GPR158: variants seen among roughly 807,000 people sequenced by gnomAD.
GPR158 encodes metabotropic glycine receptor.
Under a neutral mutation model 78.2 loss-of-function variants are expected in GPR158, and 30 were observed. The observed-to-expected ratio is 0.38, with a 90% CI of 0.29 to 0.52. The LOEUF (loss-of-function observed/expected upper bound fraction) is 0.52. GPR158 is among the 20% of genes least tolerant of loss of function. The pLI is 0.83. For missense variants in GPR158, 1,463 were observed against 1,523.5 expected (o/e 0.96, Z 0.66); for synonymous variants, 581 against 591.1 (o/e 0.98, Z 0.25).
At chr10:25,413,920 A>T (rs1834626794) in intron 4 of GPR158, among the ~76,000 whole-genome samples, 1 of 152,206 alleles carries the variant, frequency 6.6e-6, no homozygotes, top group Non-Finnish European at 1.5e-5. Context: ...TGTGTGTTAT[A>T]TAATAAAAAT....
chr10:25,598,251 G>C lies in GPR158; in HGVS notation c.2625G>C (p.Leu875Phe), dbSNP rs1468127218. 4 of 1,614,060 alleles carry C rather than the reference G, an allele frequency of 2.5e-6. No homozygotes were observed. The South Asian group carries it at 3.3e-5, about 13-fold the overall frequency. ...SEAESTESVPLVCKSASAHNL... is the reference protein window; with the variant it reads ...SEAESTESVPFVCKSASAHNL... The stretch of plus-strand genomic sequence containing the variant: ...CTGAGTCCACGGAGTCGGTGCCGTT[G>C]GTGTGCAAGTCAGCAAGCGCTCACA... The change falls in exon 11 of 11, where the codon TTG becomes TTC. Residue 875 changes from leucine (L) to phenylalanine (F), a missense_variant. Coordinates refer to ENST00000376351, the MANE Select transcript of GPR158 (RefSeq NM_020752.3).
At chr10:25,457,303 C>T (rs1028670774) in intron 4 of GPR158, among the ~76,000 whole-genome samples, 1 of 151,870 alleles carries the variant, frequency 6.6e-6, no homozygotes, top group Non-Finnish European at 1.5e-5. Context: ...CTGTTAATAG[C>T]TTTTAATGAG....
At chr10:25,292,967 G>C (rs780870196) in intron 2 of GPR158, among the ~76,000 whole-genome samples, 1 of 152,106 alleles carries the variant, frequency 6.6e-6, no homozygotes, top group Non-Finnish European at 1.5e-5. Flanking sequence ...ACAGGGAGTT[G>C]GATGTGATTT....
intron 2 of GPR158, among the ~76,000 whole-genome samples, chr10:25,293,978 C>A (rs981255984): frequency 6.6e-6 from 1 of 152,110 alleles, no homozygotes; most frequent in Non-Finnish European, 1.5e-5. Flanking sequence ...AACTCCTGAC[C>A]TCGTGATTCA....
At chr10:25,271,069 C>T (rs1202534247) in intron 2 of GPR158, among the ~76,000 whole-genome samples, 5 of 152,156 alleles carry the variant, frequency 3.3e-5, no homozygotes, top group East Asian at 1.9e-4. Flanking sequence ...TCCAGTGTTC[C>T]GAGCTGCCTC....
At chr10:25,449,928 C>T (rs771229608) in intron 4 of GPR158, among the ~76,000 whole-genome samples, 13 of 151,128 alleles carry the variant, frequency 8.6e-5, no homozygotes, top group South Asian at 2.1e-4. Flanking sequence ...TATAAAATAA[C>T]GGTAAAATGT....
At chr10:25,550,303 A>G (rs988724801) in intron 5 of GPR158, among the ~76,000 whole-genome samples, 1 of 152,068 alleles carries the variant, frequency 6.6e-6, no homozygotes, top group African/African-American at 2.4e-5. Context: ...GCTCAGGGTA[A>G]ATGCTTAATA....
chr10:25,500,818 A>G (rs1835939452), intron 5 of GPR158, among the ~76,000 whole-genome samples: 2 of 152,210 alleles, frequency 1.3e-5, no homozygotes, highest in Admixed American at 1.3e-4. Context: ...TATAAATTAA[A>G]CTGCTGCAAG....
At chr10:25,380,507 T>C (rs1484648335) in intron 2 of GPR158, among the ~76,000 whole-genome samples, 1 of 152,198 alleles carries the variant, frequency 6.6e-6, no homozygotes, top group Non-Finnish European at 1.5e-5. Flanking sequence ...CAATTAGTAA[T>C]GTATTACATT....
rs573823799 is a variant in GPR158, at chr10:25,458,030, A to G, written c.1336-8621A>G. Reference sequence around the variant, plus strand: ...AATGACTTGTTATTTCTAATTTCACATGTATATAAAATCATTAATTTTTTA... The same window carrying G: ...AATGACTTGTTATTTCTAATTTCACGTGTATATAAAATCATTAATTTTTTA... On this transcript the variant is annotated intron_variant, in intron 4 of 10. Transcript: ENST00000376351. Among the ~76,000 whole-genome samples the G allele has an allele frequency of 7.2e-5, 11 of 152,368 alleles. No individual in the cohort carries two copies. In the South Asian group the frequency reaches 1.7e-3, roughly 23 times the overall value.
intron 4 of GPR158, among the ~76,000 whole-genome samples, chr10:25,458,083 CATCAA>C (rs1835314154): frequency 1.3e-5 from 2 of 152,202 alleles, no homozygotes; most frequent in South Asian, 4.1e-4. Context: ...TTTTAAATAA[CATCAA>C]ATTATGTATA....
At chr10:25,576,340 T>A (rs1837095661) in intron 7 of GPR158, among the ~76,000 whole-genome samples, 1 of 152,132 alleles carries the variant, frequency 6.6e-6, no homozygotes, top group Admixed American at 6.5e-5. Context: ...TCCTTTCTGA[T>A]CACAACCCAT....
At chr10:25,321,402 A>C (rs2130478593) in intron 2 of GPR158, among the ~76,000 whole-genome samples, 1 of 152,322 alleles carries the variant, frequency 6.6e-6, no homozygotes, top group Non-Finnish European at 1.5e-5. Context: ...GTAAACACGA[A>C]GACCTCTACT....
At chr10:25,494,179 A>T (rs1259224761) in intron 5 of GPR158, among the ~76,000 whole-genome samples, 1 of 152,152 alleles carries the variant, frequency 6.6e-6, no homozygotes, top group Non-Finnish European at 1.5e-5. Flanking sequence ...ATCTAACATG[A>T]TACCTGAGGT....
In GPR158 at chr10:25,558,216, T is replaced by C. The variant is rs553205853; in HGVS notation, c.1514+7131T>C. On this transcript the variant is annotated intron_variant, in intron 6 of 10. Coordinates refer to ENST00000376351, the MANE Select transcript of GPR158 (RefSeq NM_020752.3). ...GTTGTTTTGGTTTCAACTTGTTATA[T>C]GTGCGTGCGCACGTGAGTGTGTGTT... Among the ~76,000 whole-genome samples the C allele has an allele frequency of 7.9e-5, 12 of 152,370 alleles. No individual in the cohort carries two copies. In the South Asian group the frequency reaches 2.5e-3, roughly 32 times the overall value.
chr10:25,378,651 C>T (rs1201776405), intron 2 of GPR158, among the ~76,000 whole-genome samples: 1 of 151,428 alleles, frequency 6.6e-6, no homozygotes, highest in Non-Finnish European at 1.5e-5. Flanking sequence ...TTTTTTAATA[C>T]TTTTAGTAGT....
chr10:25,521,299 A>G (rs574381410), intron 5 of GPR158, among the ~76,000 whole-genome samples: 1 of 152,258 alleles, frequency 6.6e-6, no homozygotes, highest in Admixed American at 6.5e-5. Context: ...GGTACCTCAG[A>G]TGGAAATGCA....
intron 2 of GPR158, among the ~76,000 whole-genome samples, chr10:25,355,775 T>C (rs1283663766): frequency 6.6e-6 from 1 of 152,076 alleles, no homozygotes; most frequent in Non-Finnish European, 1.5e-5. Flanking sequence ...GTGCTGTTTA[T>C]TCTGAATGGG....
chr10:25,474,341 A>G (rs1171164399), intron 5 of GPR158, among the ~76,000 whole-genome samples: 1 of 152,074 alleles, frequency 6.6e-6, no homozygotes, highest in Non-Finnish European at 1.5e-5. Context: ...GCTATAGGAA[A>G]CTAAGATACC....
Sources: allele counts gnomAD v4.1 joint callset (sites outside exome capture counted in the v4.1 genomes callset), GRCh38; gene constraint gnomAD v4.1.1; transcripts MANE v1.5; gene names NCBI Gene and HGNC (gene_info 2026-07-23, HGNC 2026-07-21).